The following ZNF343 variants were observed in gnomAD, a reference collection of about 807,000 sequenced individuals.
ZNF343 encodes zinc finger protein 343.
A neutral mutation model predicts 13.8 loss-of-function variants in ZNF343; 11 were observed. That is an observed-to-expected ratio of 0.80 (90% CI 0.50 to 1.32). The LOEUF (loss-of-function observed/expected upper bound fraction) is 1.32, where lower values mean the gene tolerates loss of function less well. ZNF343 is among the 40% of genes most tolerant of loss of function. ZNF343 has a pLI of 0.00. For missense variants in ZNF343, 658 were observed against 714.2 expected (o/e 0.92, Z 0.90); for synonymous variants, 248 against 260.0 (o/e 0.95, Z 0.44).
chr20:2,495,234 A>G lies in ZNF343; in HGVS notation c.-149-1190T>C, dbSNP rs562516359. On this transcript the variant is annotated intron_variant, in intron 2 of 5. Coordinates refer to ENST00000278772, the MANE Select transcript of ZNF343 (RefSeq NM_024325.6). ...TTTCTCTATTTACGTGACTGTCTTTACTAAACTGTGAAGCTTCTTGTAAGA... is the reference window on the plus strand; with the variant it reads ...TTTCTCTATTTACGTGACTGTCTTTGCTAAACTGTGAAGCTTCTTGTAAGA... 3.3e-5 allele frequency among the ~76,000 whole-genome samples: 5 copies of G among 152,342 alleles called. 1 individual carries two copies. In the South Asian group the frequency reaches 1.0e-3, roughly 32 times the overall value.
chr20:2,521,338 G>A (rs1016064704), intron 1 of ZNF343, among the ~76,000 whole-genome samples: 8 of 152,236 alleles, frequency 5.3e-5, no homozygotes, highest in African/African-American at 1.9e-4. Flanking sequence ...CACCTCTGGG[G>A]TGAACAGTGG....
At chr20:2,498,996 C>T (rs1480857180) in intron 2 of ZNF343, among the ~76,000 whole-genome samples, 1 of 152,090 alleles carries the variant, frequency 6.6e-6, no homozygotes, top group Non-Finnish European at 1.5e-5. Flanking sequence ...TGCAGCACCA[C>T]GCCCAGATAA....
Position 2,483,084 on chromosome 20 carries a change from G to A in ZNF343, c.*77C>T. ...TGTACACAGGGTCTACTCCCCATGT[G>A]TCTCTCTGGGGTAACATGAGGCTTG... On this transcript the variant is annotated 3_prime_UTR_variant, in exon 6 of 6. Coordinates refer to ENST00000278772, the MANE Select transcript of ZNF343 (RefSeq NM_024325.6). 6.7e-7 allele frequency: 1 copy of A among 1,486,814 alleles called. No individual in the cohort carries two copies. Among genetic ancestry groups the A allele is most frequent in the South Asian group, 1.3e-5 (1 of 75,734 alleles). 92.1% of individuals were successfully genotyped at this position (1,486,814 alleles called of 1,614,324 possible). A position where few individuals can be genotyped will look rare whatever the true frequency, so the allele number is the denominator to read the frequency against.
intron 1 of ZNF343, among the ~76,000 whole-genome samples, chr20:2,516,204 A>G (rs1568493401): frequency 6.6e-6 from 1 of 152,032 alleles, no homozygotes; most frequent in Non-Finnish European, 1.5e-5. Flanking sequence ...GATGTTAAGG[A>G]TGTGATTTAG....
chr20:2,519,800 C>G (rs935816285), intron 1 of ZNF343, among the ~76,000 whole-genome samples: 1 of 152,190 alleles, frequency 6.6e-6, no homozygotes, highest in African/African-American at 2.4e-5. Flanking sequence ...GATTTCCTGC[C>G]TGTTTTCAAC....
chr20:2,500,793 G>A (rs2085548941), intron 1 of ZNF343, 51 bp from the exon 2 acceptor site: 1 of 152,196 alleles, frequency 6.6e-6, no homozygotes, highest in Admixed American at 6.5e-5. Flanking sequence ...CTACCACCCA[G>A]ATATGGAGGC....
chr20:2,485,344 T>C (rs1308389074), intron 5 of ZNF343, among the ~76,000 whole-genome samples: 2 of 152,198 alleles, frequency 1.3e-5, no homozygotes, highest in Non-Finnish European at 2.9e-5. Context: ...AGAAAAACTT[T>C]TCATTTACAG....
rs778176722 is a variant in ZNF343 at position 2,483,144 on chromosome 20, T to TAC, written c.*15_*16dup. 1.3e-6 allele frequency: 2 copies of TAC among 1,588,896 alleles called. No homozygotes were observed. The highest frequency in any genetic ancestry group is 1.7e-6 in the Non-Finnish European group (2 of 1,167,476). ...TCAGGTCTTGTTCATGACCCCTGCA[T>TAC]ACACAGGTTTCTCCCGTCAGTGTGT... On this transcript the variant is annotated 3_prime_UTR_variant, in exon 6 of 6. Coordinates refer to ENST00000278772, the MANE Select transcript of ZNF343 (RefSeq NM_024325.6).
At chr20:2,497,945 C>CAAA (rs2085488147) in intron 2 of ZNF343, among the ~76,000 whole-genome samples, 1 of 151,996 alleles carries the variant, frequency 6.6e-6, no homozygotes, top group African/African-American at 2.4e-5. Flanking sequence ...CAAATGCTCA[C>CAAA]GAAGACTGAT....
Position 2,484,160 on chromosome 20 carries a change from C to T in ZNF343, c.801G>A (p.Lys267=), listed in dbSNP as rs1470109552. ...GCCCACAATCACTGCAAATGTAGGG[C>T]TTCTTCCCTAAGAGGGTCCTCGGGT... is the stretch of plus-strand genomic sequence containing the variant. ...ITNPRTLLGK[K]PYICSDCGRS... Residue 267 remains lysine (K), a synonymous_variant, in exon 6 of 6, where the codon AAG becomes AAA. Transcript: ENST00000278772. 1.9e-6 allele frequency: 3 copies of T among 1,614,228 alleles called. No individual in the cohort carries two copies. Among genetic ancestry groups the T allele is most frequent in the South Asian group, 2.2e-5 (2 of 91,086 alleles).
rs35423481 is a variant in ZNF343 at position 2,490,543 on chromosome 20, G to GT, written c.304+2155dup. On this transcript the variant is annotated intron_variant, in intron 5 of 5. Transcript: ENST00000278772. ...TTTATGGGTCTTTTTTTTGGTTTTT[G>GT]TTTTTTTTTTTGAGATGGAGTTTTG... 3.6e-3 allele frequency among the ~76,000 whole-genome samples: 522 copies of GT among 144,182 alleles called. 6 individuals carry two copies. The highest frequency in any genetic ancestry group is 9.8e-3 in the African/African-American group (381 of 38,836). 94.6% of individuals were successfully genotyped at this position (144,182 alleles called of 152,430 possible).
At chr20:2,517,395 A>G (rs1395967200) in intron 1 of ZNF343, among the ~76,000 whole-genome samples, 2 of 41,038 alleles carry the variant, frequency 4.9e-5, no homozygotes, top group African/African-American at 4.3e-4. Flanking sequence ...TATATAGCTG[A>G]TGTATATGTA....
At chr20:2,490,744 T>C (rs537059460) in intron 5 of ZNF343, among the ~76,000 whole-genome samples, 105 of 152,244 alleles carry the variant, frequency 6.9e-4, no homozygotes, top group Non-Finnish European at 1.2e-3. Context: ...GAATCAGTTA[T>C]ATGTATTAAC....
intron 2 of ZNF343, among the ~76,000 whole-genome samples, chr20:2,499,459 C>T (rs111445598): frequency 1.3e-4 from 8 of 62,744 alleles, no homozygotes; most frequent in Admixed American, 5.2e-4. Flanking sequence ...AGCGAGACTC[C>T]GTCTCAAAAA....
chr20:2,513,448 AT>A (rs2085746702), upstream of ZNF343, among the ~76,000 whole-genome samples: 1 of 152,262 alleles, frequency 6.6e-6, no homozygotes, highest in Non-Finnish European at 1.5e-5. Context: ...AATGGCTATG[AT>A]AAAAATACTT....
upstream of ZNF343, among the ~76,000 whole-genome samples, chr20:2,510,778 T>G (rs2085734741): frequency 6.6e-6 from 1 of 152,140 alleles, no homozygotes. Flanking sequence ...CTTAATTGAG[T>G]GCTGCAGCCA....
intron 3 of ZNF343, 23 bp downstream of exon 3, chr20:2,493,755 C>T: frequency 6.3e-7 from 1 of 1,593,010 alleles, no homozygotes; most frequent in African/African-American, 1.3e-5. Flanking sequence ...CTTCATCCCT[C>T]CGGCTCCCTC....
intron 1 of ZNF343, among the ~76,000 whole-genome samples, chr20:2,519,529 C>T (rs925756393): frequency 1.3e-5 from 2 of 152,194 alleles, no homozygotes; most frequent in African/African-American, 4.8e-5. Flanking sequence ...GGGGCTCCAG[C>T]CTGCCAGCCT....
intron 5 of ZNF343, 115 bp from the exon 6 acceptor site, chr20:2,484,771 A>G (rs367751131): frequency 1.1e-6 from 1 of 934,366 alleles, no homozygotes; most frequent in Non-Finnish European, 1.6e-6. Context: ...TAATATAAGT[A>G]TAACACAATT....
Sources: allele counts gnomAD v4.1 joint callset (sites outside exome capture counted in the v4.1 genomes callset), GRCh38; gene constraint gnomAD v4.1.1; transcripts MANE v1.5; gene names NCBI Gene and HGNC (gene_info 2026-07-23, HGNC 2026-07-21).